The following PABPC4L variants were observed in gnomAD, a reference collection of about 807,000 sequenced individuals.
PABPC4L encodes poly(A) binding protein cytoplasmic 4 like.
For missense variants in PABPC4L, 452 were observed against 451.4 expected, an observed-to-expected ratio of 1.00 and a Z score of -0.01; for synonymous variants, 169 against 164.1, an observed-to-expected ratio of 1.03 and a Z score of -0.23.
At chr4:134,107,707 A>C in the PABPC4L span, among the ~76,000 whole-genome samples, 1 of 151,676 alleles carries the variant, frequency 6.6e-6, no homozygotes, top group Non-Finnish European at 1.5e-5. Flanking sequence ...ATTGGTTTAT[A>C]AACAGCATAG....
chr4:134,136,952 T>C, the PABPC4L span, among the ~76,000 whole-genome samples: 5 of 151,926 alleles, frequency 3.3e-5, no homozygotes, highest in African/African-American at 1.2e-4. Context: ...TGAGAGGAGG[T>C]GAAAATTCTT....
the PABPC4L span, among the ~76,000 whole-genome samples, chr4:134,163,677 G>A: frequency 6.6e-6 from 1 of 152,066 alleles, no homozygotes; most frequent in Non-Finnish European, 1.5e-5. Flanking sequence ...CAGCCCAGAA[G>A]GGATGGTTCA....
the PABPC4L span, among the ~76,000 whole-genome samples, chr4:133,979,446 C>A: frequency 6.6e-6 from 1 of 152,086 alleles, no homozygotes; most frequent in East Asian, 1.9e-4. Flanking sequence ...TAGAAAGTAT[C>A]ATTATAGTGC....
chr4:133,958,344 T>C, the PABPC4L span, among the ~76,000 whole-genome samples: 3 of 152,196 alleles, frequency 2.0e-5, no homozygotes, highest in African/African-American at 7.2e-5. Context: ...GACATCATTG[T>C]CCATATCACT....
At chr4:134,184,173 C>T in the PABPC4L span, among the ~76,000 whole-genome samples, 12 of 151,924 alleles carry the variant, frequency 7.9e-5, no homozygotes, top group African/African-American at 2.7e-4. Context: ...GAGACTGACC[C>T]AAACATAGAA....
At chr4:134,088,854 T>C in the PABPC4L span, among the ~76,000 whole-genome samples, 939 of 152,262 alleles carry the variant, frequency 6.2e-3, 6 homozygotes, top group African/African-American at 0.021. Flanking sequence ...ATTCATTATG[T>C]CCACAAATCT....
At chr4:134,159,035 T>TA in the PABPC4L span, among the ~76,000 whole-genome samples, 10 of 152,024 alleles carry the variant, frequency 6.6e-5, no homozygotes, top group Admixed American at 5.2e-4. Flanking sequence ...ACATAAAAGA[T>TA]AAAAAAATGG....
chr4:134,190,800 C>T, the PABPC4L span, among the ~76,000 whole-genome samples: 2 of 151,974 alleles, frequency 1.3e-5, no homozygotes, highest in African/African-American at 2.4e-5. Flanking sequence ...TACAGGTGCA[C>T]CTCACCACGC....
the PABPC4L span, among the ~76,000 whole-genome samples, chr4:134,016,555 C>A: frequency 1.3e-5 from 2 of 152,116 alleles, no homozygotes; most frequent in East Asian, 3.9e-4. Context: ...TCCTTCACAT[C>A]GGTCACTCCC....
chr4:134,110,888 G>T, the PABPC4L span, among the ~76,000 whole-genome samples: 3 of 151,894 alleles, frequency 2.0e-5, no homozygotes, highest in Non-Finnish European at 4.4e-5. Context: ...ACAGTTGGTT[G>T]AACCCACAAA....
the PABPC4L span, among the ~76,000 whole-genome samples, chr4:134,098,848 A>C: frequency 6.6e-6 from 1 of 151,716 alleles, no homozygotes; most frequent in Non-Finnish European, 1.5e-5. Context: ...AGCCAAGTGA[A>C]GATTTTGTTT....
chr4:134,198,407 A>C lies in PABPC4L; in HGVS notation c.*1500T>G, dbSNP rs1263764511. On this transcript the variant is annotated 3_prime_UTR_variant, in exon 2 of 2. Coordinates refer to ENST00000421491, the MANE Select transcript of PABPC4L (RefSeq NM_001114734.2). The stretch of plus-strand genomic sequence containing the variant: ...TTTAGAAAATGTGCAAAGAATATAC[A>C]TATAATTTCTATAAAAATAAAAGGC... 6.6e-6 allele frequency: 1 copy of C among 151,722 alleles called. No individual in the cohort carries two copies. Among genetic ancestry groups the C allele is most frequent in the South Asian group, 2.1e-4 (1 of 4,836 alleles). 9.4% of individuals were successfully genotyped at this position (151,722 alleles called of 1,614,324 possible).
chr4:133,974,875 G>A, the PABPC4L span, among the ~76,000 whole-genome samples: 1 of 152,034 alleles, frequency 6.6e-6, no homozygotes, highest in African/African-American at 2.4e-5. Flanking sequence ...TGGAGCAACT[G>A]GAACTCTCAA....
the PABPC4L span, among the ~76,000 whole-genome samples, chr4:134,042,596 G>A: frequency 6.6e-6 from 1 of 152,140 alleles, no homozygotes; most frequent in Non-Finnish European, 1.5e-5. Flanking sequence ...ATTCGAGGGG[G>A]AAGGGAACAC....
the PABPC4L span, among the ~76,000 whole-genome samples, chr4:134,056,836 A>C: frequency 3.2e-4 from 49 of 152,026 alleles, no homozygotes; most frequent in African/African-American, 1.2e-3. Flanking sequence ...TAATAAGGAC[A>C]GTTTTGTTTC....
At chr4:134,189,563 T>C in the PABPC4L span, among the ~76,000 whole-genome samples, 1 of 151,906 alleles carries the variant, frequency 6.6e-6, no homozygotes, top group Admixed American at 6.6e-5. Flanking sequence ...CATTCACATA[T>C]ATAATGTGTG....
chr4:134,041,425 C>A, the PABPC4L span, among the ~76,000 whole-genome samples: 3 of 152,016 alleles, frequency 2.0e-5, no homozygotes, highest in Non-Finnish European at 4.4e-5. Context: ...ATGTCCTTTG[C>A]AGGGACATGG....
the PABPC4L span, among the ~76,000 whole-genome samples, chr4:133,985,148 T>C: frequency 6.6e-6 from 1 of 151,924 alleles, no homozygotes; most frequent in Admixed American, 6.6e-5. Flanking sequence ...CCATTAAGAC[T>C]TGGAAGATAC....
chr4:134,068,438 A>G, the PABPC4L span, among the ~76,000 whole-genome samples: 2 of 152,094 alleles, frequency 1.3e-5, no homozygotes, highest in East Asian at 3.9e-4. Context: ...AGGTCTCTTG[A>G]AGACAGTCTG....
Sources: gnomAD v4.1 joint callset for allele counts (sites outside exome capture counted in the v4.1 genomes callset) on GRCh38, gnomAD v4.1.1 for gene constraint, MANE v1.5 for transcripts, NCBI Gene and HGNC (gene_info 2026-07-23, HGNC 2026-07-21) for gene names.